Variants in MAL observed in about 807,000 individuals in gnomAD.
MAL encodes myelin and lymphocyte protein.
MAL carries 5 observed loss-of-function variants against 16.7 expected under a neutral mutation model. The observed-to-expected ratio is 0.30, with a 90% CI of 0.16 to 0.63. MAL has a LOEUF of 0.63. Among genes scored for constraint, MAL ranks in the 30% least tolerant of loss-of-function variants. The pLI is 0.82. For missense variants in MAL, 202 were observed against 195.8 expected, an observed-to-expected ratio of 1.03 and a Z score of -0.19; for synonymous variants, 96 against 85.5, an observed-to-expected ratio of 1.12 and a Z score of -0.67.
Position 95,049,633 on chromosome 2 carries a change from TGGA to T in MAL, c.317_319del (p.Glu106del), listed in dbSNP as rs1319729992. On this transcript the variant is annotated inframe_deletion, in exon 3 of 4. Transcript: ENST00000309988. ...CTCTTTTACCTCAGCGCCTCAGTCC[TGGA>T]GGCCCTGGCCACCATCACGATGCAA... 6.2e-7 allele frequency: 1 copy of T among 1,614,198 alleles called. No individual in the cohort carries two copies.
At chr2:95,046,267 T>A (rs1356101395) in intron 1 of MAL, among the ~76,000 whole-genome samples, 1 of 152,096 alleles carries the variant, frequency 6.6e-6, no homozygotes, top group African/African-American at 2.4e-5. Flanking sequence ...GGCAGCCCCA[T>A]CCTCAGCCCC....
chr2:95,050,367 C>T (rs189337769), intron 3 of MAL, among the ~76,000 whole-genome samples: 187 of 152,304 alleles, frequency 1.2e-3, no homozygotes, highest in Non-Finnish European at 1.8e-3. Context: ...CACCAGTCTA[C>T]GATATAAAAC....
chr2:95,039,558 G>A (rs1391156810), intron 1 of MAL, among the ~76,000 whole-genome samples: 1 of 151,560 alleles, frequency 6.6e-6, no homozygotes, highest in Non-Finnish European at 1.5e-5. Context: ...CTTGGTAAGT[G>A]AGTGACTGAG....
chr2:95,053,323 A>G, intron 3 of MAL, 58 bp from the exon 4 acceptor site: 1 of 1,189,198 alleles, frequency 8.4e-7, no homozygotes, highest in East Asian at 2.3e-5. Flanking sequence ...TGCAGTGCAG[A>G]CGCTGTGCCT....
At chr2:95,042,319 A>G (rs1674487326) in intron 1 of MAL, among the ~76,000 whole-genome samples, 1 of 152,228 alleles carries the variant, frequency 6.6e-6, no homozygotes, top group African/African-American at 2.4e-5. Flanking sequence ...ACGGCAACAC[A>G]TCACGAGGCC....
At position 95,049,618 on chromosome 2, in the gene MAL, T is replaced by G. The variant is rs753710631; in HGVS notation, c.299T>G (p.Leu100Arg). ...CACTGCACCGCTGCCCTCTTTTACC[T>G]CAGCGCCTCAGTCCTGGAGGCCCTG... ...AYHCTAALFY[L>R]SASVLEALAT... The change falls in exon 3 of 4, where the codon CTC becomes CGC. Residue 100 changes from leucine to arginine, a missense_variant. Transcript: ENST00000309988. The G allele has an allele frequency of 6.2e-7, 1 of 1,614,130 alleles. No homozygotes were observed. Among genetic ancestry groups the G allele is most frequent in the Non-Finnish European group, 8.5e-7 (1 of 1,180,024 alleles).
intron 3 of MAL, chr2:95,051,931 G>A (rs2104364308): frequency 6.6e-6 from 1 of 152,310 alleles, no homozygotes; most frequent in East Asian, 1.9e-4. Context: ...CCCAGTCCAG[G>A]GGATACTTGG....
chr2:95,053,726 G>T lies in MAL; in HGVS notation c.*271G>T. On this transcript the variant is annotated 3_prime_UTR_variant, in exon 4 of 4. Coordinates refer to ENST00000309988, the MANE Select transcript of MAL (RefSeq NM_002371.4). Reference sequence around the variant, plus strand: ...GGGTCACCTCCTGTTTGTGAAAGGGGACCTTCTTGTTCGGGGGTGGGAAGT... The same window carrying T: ...GGGTCACCTCCTGTTTGTGAAAGGGTACCTTCTTGTTCGGGGGTGGGAAGT... 1 of 437,170 alleles carries T rather than the reference G, an allele frequency of 2.3e-6. No homozygotes were observed. Among genetic ancestry groups the T allele is most frequent in the African/African-American group, 1.9e-5 (1 of 51,328 alleles). 27.1% of individuals were successfully genotyped at this position (437,170 alleles called of 1,614,324 possible). A position where few individuals can be genotyped will look rare whatever the true frequency, so the allele number is the denominator to read the frequency against.
intron 1 of MAL, among the ~76,000 whole-genome samples, chr2:95,034,889 C>T (rs1483220176): frequency 6.6e-6 from 1 of 152,186 alleles, no homozygotes; most frequent in African/African-American, 2.4e-5. Flanking sequence ...ATCCTGCAGA[C>T]CTTTGCTTAT....
chr2:95,041,995 G>A (rs1056658566), intron 1 of MAL, among the ~76,000 whole-genome samples: 1 of 152,088 alleles, frequency 6.6e-6, no homozygotes, highest in Non-Finnish European at 1.5e-5. Flanking sequence ...GGTTGGGAGG[G>A]GCCTCCAAAC....
At chr2:95,048,328 C>G (rs1316955709) in intron 2 of MAL, among the ~76,000 whole-genome samples, 1 of 152,158 alleles carries the variant, frequency 6.6e-6, no homozygotes, top group Admixed American at 6.5e-5. Context: ...CCGCTGCCAA[C>G]CCTCACTGGA....
At chr2:95,052,558 T>A (rs920221399) in intron 3 of MAL, among the ~76,000 whole-genome samples, 7 of 152,212 alleles carry the variant, frequency 4.6e-5, no homozygotes, top group East Asian at 1.9e-4. Flanking sequence ...CACAGAGGCG[T>A]AGCCGCCCTA....
chr2:95,051,199 A>C (rs1674707521), intron 3 of MAL, among the ~76,000 whole-genome samples: 1 of 152,122 alleles, frequency 6.6e-6, no homozygotes, highest in African/African-American at 2.4e-5. Flanking sequence ...CCTTTTATCA[A>C]AGGCAGCACA....
intron 1 of MAL, among the ~76,000 whole-genome samples, chr2:95,027,591 C>A (rs1673972692): frequency 6.6e-6 from 1 of 152,212 alleles, no homozygotes; most frequent in Non-Finnish European, 1.5e-5. Context: ...TGACCCCAAG[C>A]CTCTCAGTTC....
At chr2:95,029,134 A>G (rs1674018421) in intron 1 of MAL, among the ~76,000 whole-genome samples, 1 of 152,260 alleles carries the variant, frequency 6.6e-6, no homozygotes, top group Non-Finnish European at 1.5e-5. Flanking sequence ...AGACACCTAC[A>G]TAATTATTGC....
intron 1 of MAL, among the ~76,000 whole-genome samples, chr2:95,040,997 G>A (rs1429641693): frequency 1.3e-5 from 2 of 151,998 alleles, no homozygotes; most frequent in Non-Finnish European, 2.9e-5. Context: ...AGCCTTGCCT[G>A]GGAAGACCTC....
intron 1 of MAL, among the ~76,000 whole-genome samples, chr2:95,037,436 CTGAGTGACTGAG>C (rs1267412457): frequency 1.1e-4 from 10 of 93,362 alleles, no homozygotes; most frequent in African/African-American, 3.5e-4. Context: ...GAGTGAGTGA[CTGAGTGACTGAG>C]TGAGTGACTG....
rs372564757 is a variant in MAL at position 95,046,953 on chromosome 2, AAAAG to A, written c.94-991_94-988del. On this transcript the variant is annotated intron_variant, in intron 1 of 3. Coordinates refer to ENST00000309988, the MANE Select transcript of MAL (RefSeq NM_002371.4). ...GAGAAAGAGAAAGAAAGAAAGAGAA[AAAAG>A]AAAGAAAGAAAGAAGAAAGAAAGAA... 4.7e-3 allele frequency among the ~76,000 whole-genome samples: 709 copies of A among 151,368 alleles called. 5 individuals carry two copies. The highest frequency in any genetic ancestry group is 0.014 in the Middle Eastern group (4 of 292).
chr2:95,032,983 C>T (rs756577317), intron 1 of MAL, among the ~76,000 whole-genome samples: 2 of 152,230 alleles, frequency 1.3e-5, no homozygotes, highest in Non-Finnish European at 1.5e-5. Flanking sequence ...ACAGCACCTC[C>T]GCAGCGGGAA....
Sources: allele counts gnomAD v4.1 joint callset (sites outside exome capture counted in the v4.1 genomes callset), GRCh38; gene constraint gnomAD v4.1.1; transcripts MANE v1.5; gene names NCBI Gene and HGNC (gene_info 2026-07-23, HGNC 2026-07-21).